NSF: variants seen among roughly 807,000 people sequenced by gnomAD.
The protein encoded by NSF is vesicle-fusing ATPase.
A neutral mutation model predicts 50.3 loss-of-function variants in NSF; 14 were observed. The observed-to-expected ratio is 0.28, with a 90% CI of 0.18 to 0.44. The LOEUF (loss-of-function observed/expected upper bound fraction) is 0.44, where lower values mean the gene tolerates loss of function less well. NSF is among the 20% of genes least tolerant of loss of function. The pLI, the probability that NSF is intolerant of heterozygous loss-of-function variation, is 1.00. For missense variants in NSF, 218 were observed against 504.3 expected (o/e 0.43, Z 5.44); for synonymous variants, 109 against 175.7 (o/e 0.62, Z 3.00).
intron 17 of NSF, among the ~76,000 whole-genome samples, chr17:46,730,714 A>G (rs1386450876): frequency 2.0e-5 from 3 of 152,172 alleles, no homozygotes; most frequent in Non-Finnish European, 4.4e-5. Flanking sequence ...AAGTGTTTTC[A>G]TATTGCTGGA....
At chr17:46,750,054 C>G in intron 18 of NSF, 147 bp downstream of exon 18, 1 of 879,208 alleles carries the variant, frequency 1.1e-6, no homozygotes, top group East Asian at 2.7e-5. Flanking sequence ...ATACCTTATC[C>G]AAAATGCCTG....
intron 17 of NSF, among the ~76,000 whole-genome samples, chr17:46,747,939 C>T (rs1278663610): frequency 6.6e-6 from 1 of 152,000 alleles, no homozygotes; most frequent in Non-Finnish European, 1.5e-5. Flanking sequence ...AAAGAACCAT[C>T]TTAGGATATG....
At chr17:46,711,439 A>G (rs1403108891) in intron 14 of NSF, among the ~76,000 whole-genome samples, 1 of 152,212 alleles carries the variant, frequency 6.6e-6, no homozygotes, top group African/African-American at 2.4e-5. Context: ...TATTTTAGTC[A>G]TTGAACTAGT....
chr17:46,720,583 C>T (rs542319692), intron 15 of NSF, among the ~76,000 whole-genome samples: 10 of 152,244 alleles, frequency 6.6e-5, no homozygotes, highest in Non-Finnish European at 1.2e-4. Context: ...TTTTTAGAAA[C>T]GAGATTATTA....
At chr17:46,744,480 G>A (rs2059108219) in intron 17 of NSF, among the ~76,000 whole-genome samples, 1 of 152,142 alleles carries the variant, frequency 6.6e-6, no homozygotes. Flanking sequence ...CTTACCAAGG[G>A]TGTATTACAC....
chr17:46,731,461 G>A (rs186595800), intron 17 of NSF, among the ~76,000 whole-genome samples: 11 of 152,212 alleles, frequency 7.2e-5, no homozygotes, highest in Non-Finnish European at 1.3e-4. Context: ...ATACTGAATT[G>A]TACACTTTAA....
chr17:46,719,733 C>T lies in NSF; in HGVS notation c.1761+5747C>T, dbSNP rs1318636589. Among the ~76,000 whole-genome samples the T allele has an allele frequency of 6.6e-5, 10 of 152,168 alleles. No individual in the cohort carries two copies. Among genetic ancestry groups the T allele is most frequent in the Middle Eastern group, 3.4e-3 (1 of 294 alleles). On this transcript the variant is annotated intron_variant, in intron 15 of 20. Coordinates refer to ENST00000398238, the MANE Select transcript of NSF (RefSeq NM_006178.4). The surrounding 1 kb of genome is among the most constrained non-coding windows in gnomAD (Gnocchi z 4.3). ...AAAAATCTATTTTACTAGTTCTATT[C>T]GTGCCATTAAATGAACAAAAGAAGA...
chr17:46,631,118 A>T lies in NSF; in HGVS notation c.238+668A>T, dbSNP rs922752937. 8.4e-5 allele frequency among the ~76,000 whole-genome samples: 11 copies of T among 130,422 alleles called. No individual in the cohort carries two copies. In the East Asian group the frequency reaches 2.0e-3, roughly 23 times the overall value. The allele number at this position is 130,422 out of a possible 152,430, so 85.6% of individuals were successfully genotyped here. On this transcript the variant is annotated intron_variant, in intron 4 of 20. Transcript: ENST00000398238. Reference sequence around the variant, plus strand: ...CACACACACACACATCTTTTATCCTACTCCTCATTTAGGAACCTGACAACT... The same window carrying T: ...CACACACACACACATCTTTTATCCTTCTCCTCATTTAGGAACCTGACAACT...
intron 15 of NSF, among the ~76,000 whole-genome samples, chr17:46,722,757 A>G (rs994492021): frequency 3.3e-5 from 5 of 152,170 alleles, no homozygotes; most frequent in Admixed American, 1.3e-4. Context: ...TGAGAAGAAA[A>G]AGGGATGTGT....
At chr17:46,755,180 G>C (rs2146348682) in intron 19 of NSF, 134 bp from the exon 20 acceptor site, 1 of 666,322 alleles carries the variant, frequency 1.5e-6, no homozygotes, top group East Asian at 2.7e-5. Context: ...TGCTGGTCAA[G>C]GAGCAGGTAA....
intron 1 of NSF, among the ~76,000 whole-genome samples, chr17:46,621,410 C>A (rs1203051644): frequency 8.0e-6 from 1 of 124,788 alleles, no homozygotes; most frequent in African/African-American, 3.2e-5. Flanking sequence ...CCTCAGCCTC[C>A]CAAGTAGCTG....
At chr17:46,704,577 C>T (rs1221949875) in intron 12 of NSF, among the ~76,000 whole-genome samples, 182 bp from the exon 13 acceptor site, 2 of 147,260 alleles carry the variant, frequency 1.4e-5, no homozygotes, top group Non-Finnish European at 3.0e-5. Flanking sequence ...TCAATTTTGG[C>T]AGTTCTCTAT....
At chr17:46,712,821 A>G (rs1175118427) in intron 14 of NSF, among the ~76,000 whole-genome samples, 1 of 152,196 alleles carries the variant, frequency 6.6e-6, no homozygotes, top group Admixed American at 6.5e-5. Flanking sequence ...ACCAGAGAGG[A>G]AAGGGGAAAG....
At chr17:46,730,474 A>G (rs1413334343) in intron 17 of NSF, among the ~76,000 whole-genome samples, 1 of 152,178 alleles carries the variant, frequency 6.6e-6, no homozygotes, top group Non-Finnish European at 1.5e-5. Flanking sequence ...GATCCAAAGT[A>G]GATACTAACA....
chr17:46,714,084 A>G, intron 15 of NSF, 98 bp downstream of exon 15: 1 of 1,286,182 alleles, frequency 7.8e-7, no homozygotes, highest in Non-Finnish European at 1.0e-6. Context: ...ATAAACCCAT[A>G]GCAACTATGT....
intron 9 of NSF, among the ~76,000 whole-genome samples, chr17:46,684,485 T>C: frequency 6.6e-6 from 1 of 152,134 alleles, no homozygotes; most frequent in Non-Finnish European, 1.5e-5. Flanking sequence ...TCAAATGGTA[T>C]TTCTGGTTCT....
intron 19 of NSF, among the ~76,000 whole-genome samples, chr17:46,754,151 T>TC: frequency 6.7e-6 from 1 of 148,778 alleles, no homozygotes; most frequent in Non-Finnish European, 1.5e-5. Context: ...AGCCAGTTCT[T>TC]TTTTTTTTTT....
chr17:46,726,942 C>T (rs1215966658), intron 16 of NSF, among the ~76,000 whole-genome samples: 1 of 152,046 alleles, frequency 6.6e-6, no homozygotes, highest in East Asian at 1.9e-4. Context: ...GACCTCTGAG[C>T]TCAGAAATTC....
rs1370818102 is a variant in NSF, at chr17:46,749,881, G to A, written c.2017G>A (p.Gly673Arg). 6 of 1,614,018 alleles carry A rather than the reference G, an allele frequency of 3.7e-6. No individual in the cohort carries two copies. In the South Asian group the frequency reaches 5.5e-5, roughly 15 times the overall value. The change falls in exon 18 of 21, where the codon GGA (glycine) becomes AGA (arginine). Residue 673 changes from glycine to arginine, a missense_variant. Coordinates refer to ENST00000398238, the MANE Select transcript of NSF (RefSeq NM_006178.4). ...TTIHVPNIAT[G>R]EQLLEALELL... The stretch of plus-strand genomic sequence containing the variant: ...CATCCACGTGCCCAACATTGCCACA[G>A]GAGAGCAGCTGTTGGAAGCTTTGGA...
Sources: allele counts gnomAD v4.1 joint callset (sites outside exome capture counted in the v4.1 genomes callset), GRCh38; gene constraint gnomAD v4.1.1; non-coding constraint Gnocchi (gnomAD v3.1); transcripts MANE v1.5; gene names NCBI Gene and HGNC (gene_info 2026-07-23, HGNC 2026-07-21).